The following DLGAP1 variants were observed in gnomAD, a reference collection of about 807,000 sequenced individuals.
The protein encoded by DLGAP1 is disks large-associated protein 1.
Under a neutral mutation model 90.8 loss-of-function variants are expected in DLGAP1, and 11 were observed. The ratio of observed to expected loss-of-function variants is 0.12; its 90% confidence interval spans 0.08 to 0.20. The LOEUF (loss-of-function observed/expected upper bound fraction) is 0.20. Ranked by LOEUF, DLGAP1 falls within the 10% of genes least tolerant of loss-of-function variation. The pLI, the probability that DLGAP1 is intolerant of heterozygous loss-of-function variation, is 1.00. For missense variants in DLGAP1, 1,050 were observed against 1,333.8 expected (o/e 0.79, Z 3.31); for synonymous variants, 558 against 540.7 (o/e 1.03, Z -0.44).
Position 4,417,712 on chromosome 18 carries a change from A to G in DLGAP1, c.-267+37294T>C, listed in dbSNP as rs112128420. 3.2e-3 allele frequency among the ~76,000 whole-genome samples: 483 copies of G among 152,298 alleles called. 2 individuals are homozygous for G. The highest frequency in any genetic ancestry group is 0.011 in the African/African-American group (448 of 41,562). On this transcript the variant is annotated intron_variant, in intron 1 of 12. Coordinates refer to ENST00000315677, the MANE Select transcript of DLGAP1 (RefSeq NM_004746.4). ...AACCAATTTCAGCTGAGGGAAGAAA[A>G]CAGAAAACAAAACAAAACAACTTAA...
At chr18:4,214,987 A>G (rs1018123645) in intron 1 of DLGAP1, among the ~76,000 whole-genome samples, 20 of 152,168 alleles carry the variant, frequency 1.3e-4, no homozygotes, top group Admixed American at 1.2e-3. Context: ...ATAAATAGAT[A>G]AGGAAAGAGA....
intron 7 of DLGAP1, among the ~76,000 whole-genome samples, chr18:3,633,455 G>C (rs1286941439): frequency 2.0e-5 from 3 of 151,940 alleles, no homozygotes; most frequent in Non-Finnish European, 4.4e-5. Flanking sequence ...AGATAGGGAG[G>C]GGGAGTGCTT....
chr18:3,538,053 C>A (rs1489164000), intron 9 of DLGAP1, among the ~76,000 whole-genome samples: 2 of 152,006 alleles, frequency 1.3e-5, no homozygotes, highest in African/African-American at 4.8e-5. Flanking sequence ...TCTAGTCCAT[C>A]AAAAATAAAG....
intron 1 of DLGAP1, among the ~76,000 whole-genome samples, chr18:4,302,416 T>A (rs2080147413): frequency 6.6e-6 from 1 of 152,238 alleles, no homozygotes; most frequent in African/African-American, 2.4e-5. Context: ...TTTCCCATTG[T>A]ATGTTGTTGG....
intron 1 of DLGAP1, among the ~76,000 whole-genome samples, chr18:4,219,279 T>C (rs1048367366): frequency 6.6e-6 from 1 of 152,040 alleles, no homozygotes; most frequent in Non-Finnish European, 1.5e-5. Flanking sequence ...TGTCTTCTTT[T>C]GAGAAGTGTC....
chr18:3,858,541 C>T lies in DLGAP1; in HGVS notation c.957+20571G>A, dbSNP rs1368096000. 2.5e-3 allele frequency among the ~76,000 whole-genome samples: 368 copies of T among 146,386 alleles called. 4 individuals carry two copies. The highest frequency in any genetic ancestry group is 0.022 in the East Asian group (114 of 5,096). On this transcript the variant is annotated intron_variant, in intron 4 of 12. Transcript: ENST00000315677. ...GTATATATATATGCACACACACACA[C>T]ACACATATATATATATAAAACACCT...
intron 10 of DLGAP1, among the ~76,000 whole-genome samples, chr18:3,520,307 G>A (rs984198534): frequency 2.0e-5 from 3 of 152,142 alleles, no homozygotes; most frequent in African/African-American, 4.8e-5. Flanking sequence ...CCTTACCTGA[G>A]ATGTCTGGCA....
intron 2 of DLGAP1, among the ~76,000 whole-genome samples, chr18:4,105,582 G>A (rs1327023177): frequency 6.6e-6 from 1 of 152,132 alleles, no homozygotes; most frequent in Non-Finnish European, 1.5e-5. Context: ...TATAAATTTT[G>A]ATATAACCTT....
intron 2 of DLGAP1, among the ~76,000 whole-genome samples, chr18:4,085,708 G>A (rs1293328941): frequency 6.6e-6 from 1 of 152,124 alleles, no homozygotes. Context: ...CTTTGTCCCA[G>A]AAGGAAACAA....
chr18:4,337,907 A>AT (rs1267004007), intron 1 of DLGAP1, among the ~76,000 whole-genome samples: 9 of 151,828 alleles, frequency 5.9e-5, no homozygotes, highest in Non-Finnish European at 1.2e-4. Context: ...GTCAGGGGTC[A>AT]TTTTTTTTCC....
intron 1 of DLGAP1, among the ~76,000 whole-genome samples, chr18:4,370,789 C>A (rs1268880156): frequency 6.6e-6 from 1 of 151,942 alleles, no homozygotes; most frequent in Non-Finnish European, 1.5e-5. Flanking sequence ...AGAAATAAGA[C>A]CTGTTTGTGA....
chr18:4,079,929 T>C (rs8086837), intron 2 of DLGAP1, among the ~76,000 whole-genome samples: 88,993 of 151,734 alleles, frequency 0.59, 26,847 homozygotes, highest in Non-Finnish European at 0.66. Context: ...TTCGGGGTCT[T>C]ACTAAATCAC....
intron 3 of DLGAP1, among the ~76,000 whole-genome samples, chr18:3,956,813 G>A (rs976320652): frequency 1.3e-5 from 2 of 152,016 alleles, no homozygotes; most frequent in Non-Finnish European, 2.9e-5. Flanking sequence ...ACCACACCTG[G>A]CTAATTTTTG....
intron 1 of DLGAP1, among the ~76,000 whole-genome samples, chr18:4,161,181 C>T (rs2076838472): frequency 6.6e-6 from 1 of 151,986 alleles, no homozygotes; most frequent in East Asian, 1.9e-4. Context: ...CAACCCACTA[C>T]CTAGGTAGTA....
In DLGAP1 at chr18:3,792,204, G is replaced by C. The variant is rs561616632; in HGVS notation, c.1172+21855C>G. On this transcript the variant is annotated intron_variant, in intron 5 of 12. Transcript: ENST00000315677. The stretch of plus-strand genomic sequence containing the variant: ...TACTTAAGATATTATGATGGGGCTG[G>C]GCACGATGGCTCACACCTGTAATCC... Among the ~76,000 whole-genome samples the C allele has an allele frequency of 3.3e-4, 51 of 152,256 alleles. No homozygotes were observed. The East Asian group carries it at 7.8e-3, about 23-fold the overall frequency.
At chr18:4,272,809 C>T (rs2079315544) in intron 1 of DLGAP1, among the ~76,000 whole-genome samples, 1 of 152,140 alleles carries the variant, frequency 6.6e-6, no homozygotes, top group Non-Finnish European at 1.5e-5. Flanking sequence ...GGGTTCTTTG[C>T]AGACATAATT....
intron 4 of DLGAP1, among the ~76,000 whole-genome samples, chr18:3,855,788 A>G (rs1214826799): frequency 6.6e-6 from 1 of 151,974 alleles, no homozygotes; most frequent in African/African-American, 2.4e-5. Context: ...TAATTTTTGT[A>G]TTTTTAGTAG....
intron 2 of DLGAP1, among the ~76,000 whole-genome samples, chr18:4,127,207 C>T (rs2076245593): frequency 6.6e-6 from 1 of 152,148 alleles, no homozygotes; most frequent in Non-Finnish European, 1.5e-5. Context: ...ATTCAAAAGC[C>T]AGCATGCACC....
chr18:4,311,478 A>G (rs1037412494), intron 1 of DLGAP1, among the ~76,000 whole-genome samples: 2 of 152,334 alleles, frequency 1.3e-5, no homozygotes, highest in African/African-American at 4.8e-5. Context: ...AAATGTTAAT[A>G]CCAGGTTTTT....
Sources: allele counts gnomAD v4.1 joint callset (sites outside exome capture counted in the v4.1 genomes callset), GRCh38; gene constraint gnomAD v4.1.1; transcripts MANE v1.5; gene names NCBI Gene and HGNC (gene_info 2026-07-23, HGNC 2026-07-21).